Variants in ABR observed in about 807,000 individuals in gnomAD.
The protein encoded by ABR is ABR activator of RhoGEF and GTPase.
ABR carries 35 observed loss-of-function variants against 107.2 expected under a neutral mutation model. The ratio of observed to expected loss-of-function variants is 0.33; its 90% CI spans 0.25 to 0.43. The LOEUF (loss-of-function observed/expected upper bound fraction) is 0.43, where lower values mean the gene tolerates loss of function less well. Among genes scored for constraint, ABR ranks in the 20% least tolerant of loss-of-function variants. The pLI, the probability that ABR is intolerant of heterozygous loss-of-function variation, is 1.00. For synonymous variants in ABR, 498 were observed against 462.0 expected (o/e 1.08, Z -1.00); for missense variants, 815 against 1,115.2 (o/e 0.73, Z 3.83).
intron 6 of ABR, among the ~76,000 whole-genome samples, chr17:1,076,379 G>GT (rs959603239): frequency 6.0e-4 from 92 of 152,232 alleles, no homozygotes; most frequent in African/African-American, 2.2e-3. Context: ...TTCTGAGGCT[G>GT]TTTAAGGCAC....
intron 5 of ABR, among the ~76,000 whole-genome samples, chr17:1,082,378 T>C (rs1045371935): frequency 6.6e-6 from 1 of 151,166 alleles, no homozygotes; most frequent in African/African-American, 2.5e-5. Context: ...CTCTGCCCTG[T>C]GGAGGAGTGC....
chr17:1,036,885 G>A (rs1173545865), intron 16 of ABR, among the ~76,000 whole-genome samples: 5 of 152,158 alleles, frequency 3.3e-5, no homozygotes, highest in Non-Finnish European at 5.9e-5. Flanking sequence ...GGATACCTCT[G>A]GGTATTTGCA....
Position 1,084,150 on chromosome 17 carries a change from T to C in ABR, c.532-523A>G, listed in dbSNP as rs1366864519. ...GGCTCACGCCTGTAACCCCAGCACT[T>C]TGGGAGGCCTGAGGTCAGGAGTTCC... On this transcript the variant is annotated intron_variant, in intron 4 of 22. Coordinates refer to ENST00000302538, the MANE Select transcript of ABR (RefSeq NM_021962.5). The surrounding 1 kb of genome is among the most constrained non-coding windows in gnomAD (Gnocchi z 4.2). 6.6e-6 allele frequency among the ~76,000 whole-genome samples: 1 copy of C among 152,136 alleles called. No individual in the cohort carries two copies. The highest frequency in any genetic ancestry group is 1.9e-4 in the East Asian group (1 of 5,188).
chr17:1,161,435 AG>A (rs2041289755), intron 1 of ABR, among the ~76,000 whole-genome samples: 3 of 151,984 alleles, frequency 2.0e-5, no homozygotes, highest in Admixed American at 2.0e-4. Context: ...TTGTAGAGAC[AG>A]GGTCTTGATA....
At chr17:1,110,872 C>A (rs1241912947) in intron 2 of ABR, among the ~76,000 whole-genome samples, 1 of 152,212 alleles carries the variant, frequency 6.6e-6, no homozygotes, top group Non-Finnish European at 1.5e-5. Flanking sequence ...TTCCCCTGTC[C>A]CTGCCTGGGT....
intron 16 of ABR, among the ~76,000 whole-genome samples, chr17:1,046,068 A>G (rs879336643): frequency 6.6e-6 from 1 of 151,732 alleles, no homozygotes; most frequent in African/African-American, 2.4e-5. Context: ...ACAGGGTTTC[A>G]CCACGTTGAC....
chr17:1,151,865 A>G (rs2040806596), intron 1 of ABR, among the ~76,000 whole-genome samples: 1 of 152,244 alleles, frequency 6.6e-6, no homozygotes, highest in Non-Finnish European at 1.5e-5. Context: ...TAAAAATACA[A>G]AAAAGTTAGC....
rs1201980143 is a variant in ABR, at chr17:1,011,064, G to C, written c.2102-201C>G. On this transcript the variant is annotated intron_variant, in intron 19 of 22. Coordinates refer to ENST00000302538, the MANE Select transcript of ABR (RefSeq NM_021962.5). The surrounding 1 kb of genome is among the most constrained non-coding windows in gnomAD (Gnocchi z 4.8). ...TGGGGGAACAGGGAGAGATAGCCTG[G>C]GGGCCATCTGCTGTGGCTGCTTGGG... The C allele has an allele frequency of 3.2e-6, 2 of 625,300 alleles. No homozygotes were observed. Among genetic ancestry groups the C allele is most frequent in the African/African-American group, 3.7e-5 (2 of 54,282 alleles). The allele number at this position is 625,300 out of a possible 1,614,324, so 38.7% of individuals were successfully genotyped here.
intron 1 of ABR, among the ~76,000 whole-genome samples, chr17:1,175,535 T>C (rs2041889530): frequency 6.6e-6 from 1 of 152,100 alleles, no homozygotes; most frequent in African/African-American, 2.4e-5. Context: ...ACACAAGAAC[T>C]GGGGGATGTC....
chr17:1,026,726 C>T (rs1289672628), intron 16 of ABR, among the ~76,000 whole-genome samples: 11 of 152,184 alleles, frequency 7.2e-5, no homozygotes, highest in Admixed American at 5.2e-4. Flanking sequence ...GCTGGGGGGC[C>T]GTCAGGACAC....
At chr17:1,057,871 G>A in intron 12 of ABR, 99 bp downstream of exon 12, 1 of 1,107,370 alleles carries the variant, frequency 9.0e-7, no homozygotes, top group South Asian at 1.3e-5. Context: ...TGACTGCGAG[G>A]GCCAAAGACG....
rs113689287 is a variant in ABR, at chr17:1,007,148, G to A, written c.2490+17C>T. The A allele has an allele frequency of 5.0e-6, 8 of 1,595,494 alleles. No homozygotes were observed. In the African/African-American group the frequency reaches 5.4e-5, roughly 11 times the overall value. On this transcript the variant is annotated intron_variant, in intron 22 of 22. Transcript: ENST00000302538. ...GTCACCCTCCGCCAGCCACGGGCCC[G>A]GGCGGTGCCAGGGTACCTGCGCCAT...
chr17:1,009,843 T>C, intron 20 of ABR, 59 bp from the exon 21 acceptor site: 1 of 1,481,472 alleles, frequency 6.8e-7, no homozygotes, highest in Non-Finnish European at 9.4e-7. Flanking sequence ...CCAGGGCCCC[T>C]GTGGTCGTGA....
At chr17:1,015,234 T>C (rs1426130991) in intron 16 of ABR, among the ~76,000 whole-genome samples, 2 of 151,722 alleles carry the variant, frequency 1.3e-5, no homozygotes, top group East Asian at 4.0e-4. Context: ...CTGGCCAACA[T>C]GACAAAACCC....
At chr17:1,185,811 G>A (rs2042277648) in intron 1 of ABR, among the ~76,000 whole-genome samples, 1 of 151,804 alleles carries the variant, frequency 6.6e-6, no homozygotes, top group Admixed American at 6.6e-5. Flanking sequence ...CATTTCCTTG[G>A]TACAGTAAAG....
rs2040758246 is a variant in ABR, at chr17:1,150,728, AC to A, written c.62-25362del. Among the ~76,000 whole-genome samples the A allele has an allele frequency of 6.6e-6, 1 of 152,048 alleles. No individual in the cohort carries two copies. The highest frequency in any genetic ancestry group is 2.4e-5 in the African/African-American group (1 of 41,380). On this transcript the variant is annotated intron_variant, in intron 1 of 22. Coordinates refer to ENST00000302538, the MANE Select transcript of ABR (RefSeq NM_021962.5). This position sits in a 1 kb window ranked among gnomAD's most constrained non-coding sequence, Gnocchi z 4.8. ...GGCTCTAAACCAGAGGCAACAGGGCACCCCACCCACTGGGAACCACGCGAGC... is the reference window on the plus strand; with the variant it reads ...GGCTCTAAACCAGAGGCAACAGGGCACCCACCCACTGGGAACCACGCGAGC...
chr17:1,158,343 G>T (rs769426984), intron 1 of ABR, among the ~76,000 whole-genome samples: 2 of 151,664 alleles, frequency 1.3e-5, no homozygotes, highest in South Asian at 4.2e-4. Context: ...CAATCCAGCC[G>T]CCTCGGCCTC....
rs118022860 is a variant in ABR at position 1,162,756 on chromosome 17, G to A, written c.61+16911C>T. On this transcript the variant is annotated intron_variant, in intron 1 of 22. Transcript: ENST00000302538. The stretch of plus-strand genomic sequence containing the variant: ...TTTGAAAGGCTAGGCCAAGCACCCC[G>A]GCTCACACCTGTCATCCCAGCACTT... Among the ~76,000 whole-genome samples, 192 of 151,534 alleles carry A rather than the reference G, an allele frequency of 1.3e-3. 1 individual carries two copies. The East Asian group carries it at 0.02, about 16-fold the overall frequency.
rs117545673 is a variant in ABR, at chr17:1,042,938, T to C, written c.1791+7112A>G. Among the ~76,000 whole-genome samples the C allele has an allele frequency of 1.2e-4, 19 of 152,168 alleles. No individual in the cohort carries two copies. In the East Asian group the frequency reaches 3.3e-3, roughly 26 times the overall value. ...GGCATATGGGTGAAGCTCAAGGACATGAGGAGGACAAATGCTGTCTGATTC... is the reference window on the plus strand; with the variant it reads ...GGCATATGGGTGAAGCTCAAGGACACGAGGAGGACAAATGCTGTCTGATTC... On this transcript the variant is annotated intron_variant, in intron 16 of 22. Transcript: ENST00000302538.
Sources: gnomAD v4.1 joint callset for allele counts (sites outside exome capture counted in the v4.1 genomes callset) on GRCh38, gnomAD v4.1.1 for gene constraint, Gnocchi (gnomAD v3.1) non-coding constraint, MANE v1.5 for transcripts, NCBI Gene and HGNC (gene_info 2026-07-23, HGNC 2026-07-21) for gene names.